Variants in FBLN7 observed in about 807,000 individuals in gnomAD.
FBLN7 encodes fibulin-7.
A neutral mutation model predicts 44.0 loss-of-function variants in FBLN7; 31 were observed. The observed-to-expected ratio is 0.70, with a 90% CI of 0.53 to 0.95. The LOEUF (loss-of-function observed/expected upper bound fraction) is 0.95. Among genes scored for constraint, FBLN7 ranks in the 40% least tolerant of loss-of-function variants. The pLI is 0.00. For missense variants in FBLN7, 573 were observed against 618.5 expected (o/e 0.93, Z 0.78); for synonymous variants, 262 against 253.4 (o/e 1.03, Z -0.32).
chr2:112,179,046 T>C (rs957577612), intron 4 of FBLN7, among the ~76,000 whole-genome samples: 1 of 152,216 alleles, frequency 6.6e-6, no homozygotes, highest in African/African-American at 2.4e-5. Flanking sequence ...GAAATCAAAC[T>C]ATCTCTGTTT....
At chr2:112,197,602 G>A in the FBLN7 span, among the ~76,000 whole-genome samples, 1 of 152,146 alleles carries the variant, frequency 6.6e-6, no homozygotes, top group African/African-American at 2.4e-5. Context: ...ACCAGCTGAG[G>A]GTAAATCACC....
At chr2:112,166,072 A>G (rs1190788330) in intron 3 of FBLN7, among the ~76,000 whole-genome samples, 2 of 152,114 alleles carry the variant, frequency 1.3e-5, no homozygotes, top group South Asian at 4.1e-4. Context: ...TTTGTTTGAG[A>G]CGGAGTCTCG....
the FBLN7 span, among the ~76,000 whole-genome samples, chr2:112,209,610 A>ACATGAGAGGGTAACCAAG: frequency 4.6e-5 from 7 of 152,234 alleles, no homozygotes; most frequent in Admixed American, 3.9e-4. Context: ...GAGAATGTCA[A>ACATGAGAGGGTAACCAAG]CATGAGAGGG....
At chr2:112,243,578 C>T in the FBLN7 span, among the ~76,000 whole-genome samples, 38 of 152,054 alleles carry the variant, frequency 2.5e-4, no homozygotes, top group Admixed American at 1.0e-3. Flanking sequence ...AATTACCTCA[C>T]AAAGAAGAAT....
At chr2:112,193,577 GTA>G in the FBLN7 span, among the ~76,000 whole-genome samples, 1 of 152,186 alleles carries the variant, frequency 6.6e-6, no homozygotes, top group African/African-American at 2.4e-5. Flanking sequence ...GTTTTAAAAC[GTA>G]TGTTATTTTT....
chr2:112,214,892 G>A, the FBLN7 span: 1 of 152,028 alleles, frequency 6.6e-6, no homozygotes, highest in Non-Finnish European at 1.5e-5. Context: ...CACTTACACA[G>A]GTATGCTTGT....
chr2:112,182,123 G>C (rs1356156786), intron 5 of FBLN7: 2 of 520,404 alleles, frequency 3.8e-6, no homozygotes, highest in Admixed American at 4.1e-5. Flanking sequence ...ACACGCGCTT[G>C]GTTCAGGAGA....
the FBLN7 span, among the ~76,000 whole-genome samples, chr2:112,201,750 C>T: frequency 2.0e-5 from 3 of 152,336 alleles, no homozygotes; most frequent in South Asian, 6.2e-4. Context: ...TCACAGCAAC[C>T]AGGCTTTCCT....
chr2:112,165,176 C>CG lies in FBLN7; in HGVS notation c.406+6dup, dbSNP rs1261463110. 1 of 1,613,622 alleles carries CG rather than the reference C, an allele frequency of 6.2e-7. No homozygotes were observed. Among genetic ancestry groups the CG allele is most frequent in the Non-Finnish European group, 8.5e-7 (1 of 1,179,768 alleles). The stretch of plus-strand genomic sequence containing the variant: ...GGGAGCAGCCCCACTGTAGAGGTAT[C>CG]GTCTCTCCTTCCCATCCCACTGCGC... On this transcript the variant is annotated splice_donor_region_variant and intron_variant, in intron 3 of 7. Coordinates refer to ENST00000331203, the MANE Select transcript of FBLN7 (RefSeq NM_153214.3).
the FBLN7 span, chr2:112,232,014 T>A: frequency 2.0e-6 from 2 of 985,306 alleles, no homozygotes; most frequent in Non-Finnish European, 2.9e-6. Flanking sequence ...ACTTAATGAC[T>A]TTATTTTTCC....
chr2:112,193,048 A>G (rs1683537910), downstream of FBLN7, among the ~76,000 whole-genome samples: 1 of 152,224 alleles, frequency 6.6e-6, no homozygotes, highest in Non-Finnish European at 1.5e-5. Flanking sequence ...ATGTATGTGT[A>G]ATATATGTAA....
chr2:112,180,105 A>T (rs1179908924), intron 4 of FBLN7, among the ~76,000 whole-genome samples: 1 of 152,234 alleles, frequency 6.6e-6, no homozygotes, highest in Non-Finnish European at 1.5e-5. Context: ...CAAAGGTCTA[A>T]TATCCAGCGT....
At chr2:112,195,730 C>T in the FBLN7 span, among the ~76,000 whole-genome samples, 1 of 152,208 alleles carries the variant, frequency 6.6e-6, no homozygotes, top group Non-Finnish European at 1.5e-5. Flanking sequence ...TTCTAAGCAT[C>T]CCTACAGACC....
chr2:112,162,978 C>T (rs997091896), intron 2 of FBLN7, among the ~76,000 whole-genome samples: 18 of 152,186 alleles, frequency 1.2e-4, no homozygotes, highest in African/African-American at 3.4e-4. Flanking sequence ...CGGGAGCAGC[C>T]GAGTCCTGGG....
chr2:112,204,084 T>C, the FBLN7 span, among the ~76,000 whole-genome samples: 1 of 150,032 alleles, frequency 6.7e-6, no homozygotes, highest in Non-Finnish European at 1.5e-5. Flanking sequence ...CTAAAGGAGG[T>C]TGTCTCATCA....
intron 1 of FBLN7, among the ~76,000 whole-genome samples, chr2:112,142,444 C>G (rs6737707): frequency 6.6e-6 from 1 of 152,028 alleles, no homozygotes; most frequent in South Asian, 2.1e-4. Context: ...GGCCTTAAAG[C>G]AGTGTGAGCC....
chr2:112,243,026 G>T, the FBLN7 span, among the ~76,000 whole-genome samples: 1 of 152,184 alleles, frequency 6.6e-6, no homozygotes, highest in Non-Finnish European at 1.5e-5. Flanking sequence ...AAAGATATGA[G>T]GAAACTGGAG....
intron 1 of FBLN7, among the ~76,000 whole-genome samples, chr2:112,150,604 G>T (rs1415531039): frequency 6.6e-6 from 1 of 152,116 alleles, no homozygotes; most frequent in Non-Finnish European, 1.5e-5. Context: ...GAGGCCTGAG[G>T]CAGCGTAGCA....
the FBLN7 span, among the ~76,000 whole-genome samples, chr2:112,219,918 T>C: frequency 6.6e-6 from 1 of 152,234 alleles, no homozygotes; most frequent in Non-Finnish European, 1.5e-5. Context: ...CATAGGTCTT[T>C]AAAAATCTTT....
Sources: gnomAD v4.1 joint callset for allele counts (sites outside exome capture counted in the v4.1 genomes callset) on GRCh38, gnomAD v4.1.1 for gene constraint, MANE v1.5 for transcripts, NCBI Gene and HGNC (gene_info 2026-07-23, HGNC 2026-07-21) for gene names.